PCCA: variants seen among roughly 807,000 people sequenced by gnomAD.
PCCA encodes the protein propionyl-CoA carboxylase alpha chain, mitochondrial.
In PCCA, 74 loss-of-function variants were observed where a neutral mutation model predicts 101.3. That is an observed-to-expected ratio of 0.73 (90% CI 0.61 to 0.89). The LOEUF is 0.89. PCCA is among the 40% of genes least tolerant of loss of function. The pLI is 0.00. For synonymous variants in PCCA, 294 were observed against 313.6 expected, an observed-to-expected ratio of 0.94 and a Z score of 0.66; for missense variants, 891 against 907.0, an observed-to-expected ratio of 0.98 and a Z score of 0.23.
At chr13:100,522,850 G>A (rs776684333) in intron 22 of PCCA, among the ~76,000 whole-genome samples, 1 of 152,200 alleles carries the variant, frequency 6.6e-6, no homozygotes, top group Non-Finnish European at 1.5e-5. Context: ...GGAATACTGT[G>A]CAGTCATCCT....
intron 21 of PCCA, among the ~76,000 whole-genome samples, chr13:100,463,669 C>T (rs1193933093): frequency 2.6e-5 from 4 of 152,088 alleles, no homozygotes; most frequent in Non-Finnish European, 5.9e-5. Flanking sequence ...TAAGTTGATG[C>T]CCCAGCAGAG....
chr13:100,519,644 T>C (rs1252827105), intron 22 of PCCA, among the ~76,000 whole-genome samples: 2 of 152,188 alleles, frequency 1.3e-5, no homozygotes, highest in Non-Finnish European at 2.9e-5. Flanking sequence ...CATCTCAGAG[T>C]CTGACGTCCC....
At chr13:100,482,791 C>T (rs1596112987) in intron 21 of PCCA, among the ~76,000 whole-genome samples, 2 of 152,078 alleles carry the variant, frequency 1.3e-5, no homozygotes, top group South Asian at 4.1e-4. Context: ...GAGGTCGGGG[C>T]GGGCGGATCA....
chr13:100,303,709 A>G (rs2066245238), intron 14 of PCCA, among the ~76,000 whole-genome samples: 1 of 152,154 alleles, frequency 6.6e-6, no homozygotes. Flanking sequence ...GATTACTGGC[A>G]TGAAGATGGT....
intron 1 of PCCA, among the ~76,000 whole-genome samples, chr13:100,090,579 A>C (rs1049143183): frequency 2.2e-4 from 34 of 152,112 alleles, no homozygotes; most frequent in African/African-American, 8.2e-4. Flanking sequence ...ACTTCTGGGG[A>C]ATGAATATGG....
Position 100,293,785 on chromosome 13 carries a change from C to T in PCCA, c.1066-7675C>T, listed in dbSNP as rs1332679876. ...TAGAAGGTAGGATGTGTTATACCCT[C>T]CCTTATTATTTACTGAACCTTAGTA... On this transcript the variant is annotated intron_variant, in intron 12 of 23. Coordinates refer to ENST00000376285, the MANE Select transcript of PCCA (RefSeq NM_000282.4). Among the ~76,000 whole-genome samples the T allele has an allele frequency of 3.3e-5, 5 of 152,198 alleles. No homozygotes were observed. The East Asian group carries it at 7.7e-4, about 23-fold the overall frequency.
chr13:100,173,041 A>G (rs2055862570), intron 6 of PCCA, among the ~76,000 whole-genome samples: 1 of 151,942 alleles, frequency 6.6e-6, no homozygotes, highest in Non-Finnish European at 1.5e-5. Context: ...CCATATGACT[A>G]TTATTTATTC....
At position 100,348,736 on chromosome 13, in the gene PCCA, C is replaced by CT. The variant is rs1314579674; in HGVS notation, c.1643+8480dup. Reference sequence around the variant, plus strand: ...ACTTTCCGTTTTTTTTCCTTTCTTTCTTTCTTTCTTTCTTTCTTTCTTTCT... The same window carrying CT: ...ACTTTCCGTTTTTTTTCCTTTCTTTCTTTTCTTTCTTTCTTTCTTTCTTTCT... On this transcript the variant is annotated intron_variant, in intron 18 of 23. Coordinates refer to ENST00000376285, the MANE Select transcript of PCCA (RefSeq NM_000282.4). 8.6e-3 allele frequency among the ~76,000 whole-genome samples: 659 copies of CT among 76,476 alleles called. 6 individuals are homozygous for CT. Among genetic ancestry groups the CT allele is most frequent in the African/African-American group, 0.037 (628 of 17,104 alleles). 50.2% of individuals were successfully genotyped at this position (76,476 alleles called of 152,430 possible). A position where few individuals can be genotyped will look rare whatever the true frequency, so the allele number is the denominator to read the frequency against.
At chr13:100,165,630 G>C (rs1241570479) in intron 6 of PCCA, among the ~76,000 whole-genome samples, 5 of 152,040 alleles carry the variant, frequency 3.3e-5, no homozygotes, top group Admixed American at 1.3e-4. Flanking sequence ...TTATTCATTT[G>C]TGTTTTCCTC....
At chr13:100,487,714 G>T (rs747167167) in intron 21 of PCCA, among the ~76,000 whole-genome samples, 1 of 151,890 alleles carries the variant, frequency 6.6e-6, no homozygotes, top group East Asian at 1.9e-4. Context: ...GAAATGCTGC[G>T]ATGGGACCTT....
At chr13:100,192,884 A>G (rs2057833353) in intron 6 of PCCA, among the ~76,000 whole-genome samples, 1 of 152,062 alleles carries the variant, frequency 6.6e-6, no homozygotes, top group Non-Finnish European at 1.5e-5. Flanking sequence ...TACCTCTTCT[A>G]GTGCACTGAC....
At chr13:100,509,822 GT>G (rs752263714) in intron 21 of PCCA, among the ~76,000 whole-genome samples, 904 of 65,382 alleles carry the variant, frequency 0.014, 3 homozygotes, top group African/African-American at 0.038. Context: ...TTTGTTTTGT[GT>G]TTTTTTTGTT....
intron 4 of PCCA, among the ~76,000 whole-genome samples, chr13:100,133,805 C>T (rs1268387250): frequency 2.6e-5 from 4 of 152,184 alleles, no homozygotes; most frequent in South Asian, 4.1e-4. Flanking sequence ...CTCTAATCAG[C>T]TGCCAGCGTG....
chr13:100,186,063 T>C (rs1447336349), intron 6 of PCCA, among the ~76,000 whole-genome samples: 1 of 152,272 alleles, frequency 6.6e-6, no homozygotes, highest in Non-Finnish European at 1.5e-5. Context: ...TTGATTTCAG[T>C]CTTACCATTC....
intron 4 of PCCA, among the ~76,000 whole-genome samples, chr13:100,121,665 G>A (rs2049413595): frequency 1.3e-5 from 2 of 151,854 alleles, no homozygotes; most frequent in Admixed American, 6.6e-5. Flanking sequence ...TAGTAGAGGT[G>A]GAGTTTCACC....
At chr13:100,118,115 CA>C (rs1294806714) in intron 4 of PCCA, among the ~76,000 whole-genome samples, 1 of 90,442 alleles carries the variant, frequency 1.1e-5, no homozygotes, top group Non-Finnish European at 2.2e-5. Context: ...GACTCCATCT[CA>C]AAAAAAAAGA....
rs968273852 is a variant in PCCA at position 100,277,929 on chromosome 13, T to G, written c.1065+4583T>G. Among the ~76,000 whole-genome samples the G allele has an allele frequency of 1.3e-5, 2 of 152,208 alleles. 1 individual carries two copies. Among genetic ancestry groups the G allele is most frequent in the African/African-American group, 4.8e-5 (2 of 41,460 alleles). ...AACTGTCAAATAATGTGGCTGATTT[T>G]CCTTAAGTATGGCAAAAGTGATCTA... is the stretch of plus-strand genomic sequence containing the variant. On this transcript the variant is annotated intron_variant, in intron 12 of 23. Transcript: ENST00000376285.
chr13:100,268,739 C>T lies in PCCA; in HGVS notation c.870C>T (p.Cys290=), dbSNP rs141174380. Residue 290 remains cysteine, a synonymous_variant, in exon 11 of 24, where the codon TGC becomes TGT. Coordinates refer to ENST00000376285, the MANE Select transcript of PCCA (RefSeq NM_000282.4). ...GNALWLNERE[C]SIQRRNQKVV... ...CTTTATGGCTTAATGAAAGAGAGTG[C>T]TCAATTCAGAGAAGAAATCAGAAGG... 116 of 1,614,020 alleles carry T rather than the reference C, an allele frequency of 7.2e-5. 1 individual carries two copies. The African/African-American group carries it at 1.1e-3, about 16-fold the overall frequency.
At chr13:100,409,015 G>C (rs989725310) in intron 19 of PCCA, among the ~76,000 whole-genome samples, 1 of 152,180 alleles carries the variant, frequency 6.6e-6, no homozygotes, top group Non-Finnish European at 1.5e-5. Context: ...GAAGGGGAAG[G>C]CTCCAGTGGC....
Sources: allele counts gnomAD v4.1 joint callset (sites outside exome capture counted in the v4.1 genomes callset), GRCh38; gene constraint gnomAD v4.1.1; transcripts MANE v1.5; gene names NCBI Gene and HGNC (gene_info 2026-07-23, HGNC 2026-07-21).